Variants in SAMD9L observed in about 807,000 individuals in gnomAD.
SAMD9L encodes sterile alpha motif domain-containing protein 9-like.
SAMD9L carries 68 observed loss-of-function variants against 90.7 expected under a neutral mutation model. The observed-to-expected ratio is 0.75, with a 90% CI of 0.62 to 0.92. The LOEUF is 0.92. Ranked by LOEUF, SAMD9L falls within the 40% of genes least tolerant of loss-of-function variation. The pLI is 0.00. For missense variants in SAMD9L, 1,604 were observed against 1,824.3 expected (o/e 0.88, Z 2.20); for synonymous variants, 640 against 630.1 (o/e 1.02, Z -0.23).
Position 93,133,888 on chromosome 7 carries a change from C to T in SAMD9L, c.2084G>A (p.Trp695Ter), listed in dbSNP as rs750563993. 1.1e-5 allele frequency: 17 copies of T among 1,613,606 alleles called. No individual in the cohort carries two copies. The highest frequency in any genetic ancestry group is 2.2e-5 in the East Asian group (1 of 44,882). The change falls in exon 5 of 5, where the codon TGG becomes TAG. Residue 695 changes from tryptophan to a stop codon, truncating the protein, a stop_gained. Transcript: ENST00000318238. LOFTEE classifies it high-confidence loss of function. ...TTCAGAAGAAAAATAGAAGTTCCAC[C>T]AGGATACTTTGCCACCTCGATAAAA... is the stretch of plus-strand genomic sequence containing the variant. ...EHFYRGGKVS[W>*]WNFYFSSENY...
Position 93,131,240 on chromosome 7 carries a change from C to T in SAMD9L, c.4732G>A (p.Ala1578Thr). The change falls in exon 5 of 5, where the codon GCA becomes ACA. Residue 1578 changes from alanine (A) to threonine (T), a missense_variant. Ala to Thr is a moderately conservative substitution (Grantham distance 58). Around this residue, in one of 7 missense-constraint regions of SAMD9L, gnomAD observed 282 missense variants for 329.6 expected, o/e 0.86. Transcript: ENST00000318238. ...TCTTAAATTACTTCTATATCATATG[C>T]CAGAGGGCCTTCAATGGAAAATCCT... ...YLGFSIEGPL[A>T]YDIEVI 6.4e-7 allele frequency: 1 copy of T among 1,571,658 alleles called. No homozygotes were observed.
rs1022167321 is a variant in SAMD9L at position 93,145,095 on chromosome 7, T to A, written c.-122-262A>T. On this transcript the variant is annotated intron_variant, in intron 3 of 4. Coordinates refer to ENST00000318238, the MANE Select transcript of SAMD9L (RefSeq NM_152703.5). ...TGGTCTATGTTTTACCCAGGTTTTT[T>A]AGCCTCACCCCAGAGCTTTCCACCT... is the stretch of plus-strand genomic sequence containing the variant. Among the ~76,000 whole-genome samples, 4 of 152,220 alleles carry A rather than the reference T, an allele frequency of 2.6e-5. No homozygotes were observed. The East Asian group carries it at 7.7e-4, about 29-fold the overall frequency.
chr7:93,133,281 A>G lies in SAMD9L; in HGVS notation c.2691T>C (p.Asp897=). 6.2e-7 allele frequency: 1 copy of G among 1,612,590 alleles called. No individual in the cohort carries two copies. The highest frequency in any genetic ancestry group is 1.7e-5 in the Admixed American group (1 of 59,806). ...TGACTACATTTTCTATATATGTTTC[A>G]TCAAAATTGCTTTTCATGATCATGA... ...YSFMIMKSNF[D]ETYIENVVRN... The change falls in exon 5 of 5, where the codon GAT becomes GAC. Residue 897 remains aspartate (D), a synonymous_variant. Coordinates refer to ENST00000318238, the MANE Select transcript of SAMD9L (RefSeq NM_152703.5).
Position 93,134,428 on chromosome 7 carries a change from T to A in SAMD9L, c.1544A>T (p.His515Leu). 6.2e-7 allele frequency: 1 copy of A among 1,613,926 alleles called. No individual in the cohort carries two copies. Among genetic ancestry groups the A allele is most frequent in the Non-Finnish European group, 8.5e-7 (1 of 1,179,868 alleles). ...TGAAGCTCTTTCTCTCTGCCATAAA[T>A]GTGGTTCTAGAGGTTTATATGTCTC... The part of the protein sequence containing the change: ...KSETYKPLEP[H>L]LWQRERASEV... The change falls in exon 5 of 5, where the codon CAT (histidine) becomes CTT (leucine). Residue 515 changes from histidine to leucine, a missense_variant. Around this residue, in one of 7 missense-constraint regions of SAMD9L, gnomAD observed 606 missense variants for 717.6 expected, o/e 0.84. Transcript: ENST00000318238.
intron 1 of SAMD9L, among the ~76,000 whole-genome samples, chr7:93,147,707 C>T (rs1479466168): frequency 6.6e-6 from 1 of 152,154 alleles, no homozygotes; most frequent in African/African-American, 2.4e-5. Flanking sequence ...AGTTTTCAAC[C>T]AGATTGCTGG....
chr7:93,133,149 C>G lies in SAMD9L; in HGVS notation c.2823G>C (p.Gln941His). Residue 941 changes from glutamine (Q) to histidine (H), a missense_variant, in exon 5 of 5, where the codon CAG becomes CAC. Coordinates refer to ENST00000318238, the MANE Select transcript of SAMD9L (RefSeq NM_152703.5). ...ATATGATTCCCAAAAATATTTCACA[C>G]TGTGAAACTGAAATTGTAGAGTCAG... ...YVTDSTISVS[Q>H]CEIFLGIIYT... is the part of the protein sequence containing the mutation. The G allele has an allele frequency of 1.2e-6, 2 of 1,613,310 alleles. No individual in the cohort carries two copies. The highest frequency in any genetic ancestry group is 1.7e-6 in the Non-Finnish European group (2 of 1,179,592).
chr7:93,134,064 G>T lies in SAMD9L; in HGVS notation c.1908C>A (p.Pro636=). 1 of 1,613,778 alleles carries T rather than the reference G, an allele frequency of 6.2e-7. No homozygotes were observed. Among genetic ancestry groups the T allele is most frequent in the Non-Finnish European group, 8.5e-7 (1 of 1,179,838 alleles). Residue 636 remains proline, a synonymous_variant, in exon 5 of 5, where the codon CCC becomes CCA. Transcript: ENST00000318238. The stretch of plus-strand genomic sequence containing the variant: ...GGATAACTGAAGAAGATCCACGGGC[G>T]GGCAAAAACCTTCTTGATGACCGAG... The part of the protein sequence containing the change: ...SVTRSSRRFL[P]ARGSSSVILE...
At position 93,134,549 on chromosome 7, in the gene SAMD9L, C is replaced by T; in HGVS notation, c.1423G>A (p.Asp475Asn). 1.2e-6 allele frequency: 2 copies of T among 1,613,922 alleles called. No individual in the cohort carries two copies. Among genetic ancestry groups the T allele is most frequent in the Non-Finnish European group, 1.7e-6 (2 of 1,179,892 alleles). ...ANLHFPNQYE[D>N]KTTNMWEKIS... ...TTCTCCCACATGTTAGTTGTCTTGT[C>T]TTCATATTGATTTGGAAAGTGAAGG... is the stretch of plus-strand genomic sequence containing the variant. The change falls in exon 5 of 5, where the codon GAC (aspartate) becomes AAC (asparagine). Residue 475 changes from aspartate (D) to asparagine (N), a missense_variant. Transcript: ENST00000318238.
rs1792278396 is a variant in SAMD9L at position 93,133,920 on chromosome 7, T to G, written c.2052A>C (p.Glu684Asp). 1.2e-6 allele frequency: 2 copies of G among 1,613,916 alleles called. No individual in the cohort carries two copies. The highest frequency in any genetic ancestry group is 2.7e-5 in the African/African-American group (2 of 75,024). ...SKFLEFKKSK[E>D]EHFYRGGKVS... is the part of the protein sequence containing the mutation. Reference sequence around the variant, plus strand: ...CTTTGCCACCTCGATAAAAGTGTTCTTCTTTTGATTTCTTAAACTCCAGGA... The same window carrying G: ...CTTTGCCACCTCGATAAAAGTGTTCGTCTTTTGATTTCTTAAACTCCAGGA... The change falls in exon 5 of 5, where the codon GAA (glutamate) becomes GAC (aspartate). Residue 684 changes from glutamate to aspartate, a missense_variant. Physicochemically the swap from Glu to Asp is conservative, Grantham distance 45. Transcript: ENST00000318238.
At chr7:93,143,596 C>T (rs150507785) in intron 4 of SAMD9L, among the ~76,000 whole-genome samples, 9 of 152,270 alleles carry the variant, frequency 5.9e-5, no homozygotes, top group East Asian at 5.8e-4. Context: ...ATCTACCTAC[C>T]GACCTGCTTC....
chr7:93,131,716 A>G lies in SAMD9L; in HGVS notation c.4256T>C (p.Leu1419Pro). Residue 1419 changes from leucine (L) to proline (P), a missense_variant, in exon 5 of 5, where the codon CTA becomes CCA. Around this residue, in one of 7 missense-constraint regions of SAMD9L, gnomAD observed 282 missense variants for 329.6 expected, o/e 0.86. Transcript: ENST00000318238. ...QLREVLQFVG[L>P]SHQYPGPYFL... The stretch of plus-strand genomic sequence containing the variant: ...ATAAGGACCTGGATATTGATGACTT[A>G]GTCCTACAAATTGCAAGACCTCTCG... 6.2e-7 allele frequency: 1 copy of G among 1,613,866 alleles called. No homozygotes were observed.
chr7:93,135,551 C>T lies in SAMD9L; in HGVS notation c.421G>A (p.Val141Met), dbSNP rs1562796165. ...QEESILMKEN[V>M]LDEVANAKHK... ...TTAGCATTTGCTACTTCATCTAACA[C>T]ATTTTCTTTCATAAGAATTGATTCT... The change falls in exon 5 of 5, where the codon GTG becomes ATG. Residue 141 changes from valine to methionine, a missense_variant. By Grantham distance (21) the Val-to-Met change is conservative (BLOSUM62 1). This residue lies in a region of SAMD9L where 374 missense variants were observed against 363.6 expected (regional missense o/e 1.03). Coordinates refer to ENST00000318238, the MANE Select transcript of SAMD9L (RefSeq NM_152703.5). 5 of 1,613,874 alleles carry T rather than the reference C, an allele frequency of 3.1e-6. No homozygotes were observed. Among genetic ancestry groups the T allele is most frequent in the African/African-American group, 1.3e-5 (1 of 74,934 alleles).
Position 93,133,539 on chromosome 7 carries a change from G to A in SAMD9L, c.2433C>T (p.Val811=). The A allele has an allele frequency of 6.2e-7, 1 of 1,613,626 alleles. No homozygotes were observed. Among genetic ancestry groups the A allele is most frequent in the Non-Finnish European group, 8.5e-7 (1 of 1,179,802 alleles). Residue 811 remains valine (V), a synonymous_variant, in exon 5 of 5, where the codon GTC becomes GTT. Transcript: ENST00000318238. Reference sequence around the variant, plus strand: ...AATGGATGGCATTTTGTAGAAAGTAGACATTTTCTTGTTCTTCAAAATCAT... The same window carrying A: ...AATGGATGGCATTTTGTAGAAAGTAAACATTTTCTTGTTCTTCAAAATCAT... ...LVDDFEEQEN[V]YFLQNAIHSV... is the part of the protein sequence containing the mutation.
At position 93,133,088 on chromosome 7, in the gene SAMD9L, C is replaced by T; in HGVS notation, c.2884G>A (p.Asp962Asn). The T allele has an allele frequency of 1.2e-6, 2 of 1,612,966 alleles. No individual in the cohort carries two copies. The highest frequency in any genetic ancestry group is 1.7e-6 in the Non-Finnish European group (2 of 1,179,226). Residue 962 changes from aspartate to asparagine, a missense_variant, in exon 5 of 5, where the codon GAC becomes AAC. Transcript: ENST00000318238. ...STPWEPESLEDKMGTYSTLLI... is the reference protein window; with the variant it reads ...STPWEPESLENKMGTYSTLLI... ...AGTGTAGAATAAGTTCCCATCTTGT[C>T]TTCTAAGCTTTCAGGTTCCCAGGGT...
chr7:93,133,241 C>T lies in SAMD9L; in HGVS notation c.2731G>A (p.Gly911Arg), dbSNP rs772995674. 3.7e-6 allele frequency: 6 copies of T among 1,613,142 alleles called. No individual in the cohort carries two copies. The highest frequency in any genetic ancestry group is 3.3e-5 in the South Asian group (3 of 91,052). Residue 911 changes from glycine (G) to arginine (R), a missense_variant, in exon 5 of 5, where the codon GGA becomes AGA. Transcript: ENST00000318238. ...GCTTCCTTGCTGTCAACATCCTGTC[C>T]TTTTAGGATATTCCTGACTACATTT... ...IENVVRNILK[G>R]QDVDSKEAQL...
rs758914005 is a variant in SAMD9L, at chr7:93,134,587, C to A, written c.1385G>T (p.Ser462Ile). ...INGVVKAYKESRVANLHFPNQ... is the reference protein window; with the variant it reads ...INGVVKAYKEIRVANLHFPNQ... ...TGGAAAGTGAAGGTTTGCCACCCGA[C>A]TTTCTTTGTAAGCTTTGACCACTCC... is the stretch of plus-strand genomic sequence containing the variant. Residue 462 changes from serine (S) to isoleucine (I), a missense_variant, in exon 5 of 5, where the codon AGT becomes ATT. Ser to Ile is a moderately radical substitution (Grantham distance 142). Coordinates refer to ENST00000318238, the MANE Select transcript of SAMD9L (RefSeq NM_152703.5). 1.9e-6 allele frequency: 3 copies of A among 1,613,994 alleles called. No homozygotes were observed. Among genetic ancestry groups the A allele is most frequent in the Non-Finnish European group, 2.5e-6 (3 of 1,179,928 alleles).
chr7:93,136,570 CT>C (rs952676435), intron 4 of SAMD9L, among the ~76,000 whole-genome samples: 1 of 152,118 alleles, frequency 6.6e-6, no homozygotes, highest in African/African-American at 2.4e-5. Context: ...TTCTTGTGTT[CT>C]CAGAAGGTAC....
At position 93,131,419 on chromosome 7, in the gene SAMD9L, A is replaced by T; in HGVS notation, c.4553T>A (p.Val1518Asp). 6.2e-7 allele frequency: 1 copy of T among 1,613,536 alleles called. No individual in the cohort carries two copies. Among genetic ancestry groups the T allele is most frequent in the South Asian group, 1.1e-5 (1 of 91,060 alleles). The change falls in exon 5 of 5, where the codon GTC becomes GAC. Residue 1518 changes from valine to aspartate, a missense_variant. Val to Asp is a radical substitution (Grantham distance 152, BLOSUM62 -3). Around this residue, in one of 7 missense-constraint regions of SAMD9L, gnomAD observed 282 missense variants for 329.6 expected, o/e 0.86. Transcript: ENST00000318238. ...HSGDVWKKNEVKDLLRRLTGQ... is the reference protein window; with the variant it reads ...HSGDVWKKNEDKDLLRRLTGQ... ...AGTTAGACGACGCAGGAGGTCTTTG[A>T]CTTCATTTTTTTTCCACACATCCCC...
At chr7:93,136,432 G>T (rs1274593717) in intron 4 of SAMD9L, among the ~76,000 whole-genome samples, 1 of 152,174 alleles carries the variant, frequency 6.6e-6, no homozygotes, top group Non-Finnish European at 1.5e-5. Flanking sequence ...GGCTATCTTT[G>T]TTACATAGTA....
Sources: allele counts gnomAD v4.1 joint callset (sites outside exome capture counted in the v4.1 genomes callset), GRCh38; gene constraint gnomAD v4.1.1; regional missense constraint gnomAD v4.1.1; transcripts MANE v1.5; gene names NCBI Gene and HGNC (gene_info 2026-07-23, HGNC 2026-07-21).